Variants in ZNG1C observed in about 807,000 individuals in gnomAD.
ZNG1C encodes zinc-regulated GTPase metalloprotein activator 1C.
the ZNG1C span, among the ~76,000 whole-genome samples, chr9:68,297,295 A>G: frequency 7.2e-6 from 1 of 139,660 alleles, no homozygotes; most frequent in Non-Finnish European, 1.6e-5. Flanking sequence ...GAAAGAATGA[A>G]TTAAATAATG....
At chr9:68,266,632 C>A in the ZNG1C span, among the ~76,000 whole-genome samples, 1 of 147,480 alleles carries the variant, frequency 6.8e-6, no homozygotes, top group Non-Finnish European at 1.5e-5. Context: ...AATTCACTTT[C>A]CCATGGATGC....
the ZNG1C span, among the ~76,000 whole-genome samples, chr9:68,247,383 T>C: frequency 6.6e-6 from 1 of 150,904 alleles, no homozygotes; most frequent in African/African-American, 2.5e-5. Flanking sequence ...AGTAGGTATG[T>C]TTATCAGTTT....
At chr9:68,299,154 C>G in the ZNG1C span, 30 of 1,539,412 alleles carry the variant, frequency 1.9e-5, no homozygotes, top group Non-Finnish European at 2.7e-5. Flanking sequence ...AAAGGGATAT[C>G]ATGTGCCACT....
At chr9:68,276,131 G>A in the ZNG1C span, among the ~76,000 whole-genome samples, 12 of 147,210 alleles carry the variant, frequency 8.2e-5, no homozygotes, top group East Asian at 3.9e-4. Flanking sequence ...CATGTCCTTC[G>A]CCCACTTTTT....
At chr9:68,244,519 A>G in the ZNG1C span, among the ~76,000 whole-genome samples, 1 of 121,156 alleles carries the variant, frequency 8.3e-6, no homozygotes, top group African/African-American at 3.4e-5. Context: ...GAAGACATGT[A>G]TAGCCTACAT....
At chr9:68,295,700 CAT>C in the ZNG1C span, among the ~76,000 whole-genome samples, 778 of 74,238 alleles carry the variant, frequency 0.01, no homozygotes, top group African/African-American at 0.032. Flanking sequence ...GGCCAATAAA[CAT>C]ATGGAAAAAT....
At chr9:68,267,298 A>G in the ZNG1C span, among the ~76,000 whole-genome samples, 1 of 151,536 alleles carries the variant, frequency 6.6e-6, no homozygotes, top group African/African-American at 2.4e-5. Flanking sequence ...TGTGGAAGAA[A>G]GAAATTCATA....
chr9:68,266,906 T>C, the ZNG1C span, among the ~76,000 whole-genome samples: 1 of 152,318 alleles, frequency 6.6e-6, no homozygotes, highest in Admixed American at 6.5e-5. Context: ...CTGATCAGCA[T>C]AGGACAATCA....
At chr9:68,245,007 A>G in the ZNG1C span, among the ~76,000 whole-genome samples, 1 of 141,354 alleles carries the variant, frequency 7.1e-6, no homozygotes, top group African/African-American at 2.6e-5. Context: ...AGTGTTTGTA[A>G]ATATTTATAA....
chr9:68,298,713 T>C, the ZNG1C span: 1 of 504,934 alleles, frequency 2.0e-6, no homozygotes, highest in Non-Finnish European at 3.0e-6. Flanking sequence ...CTAATATATG[T>C]ATTAACTTTA....
the ZNG1C span, among the ~76,000 whole-genome samples, chr9:68,292,111 C>T: frequency 6.6e-6 from 1 of 152,060 alleles, no homozygotes; most frequent in Non-Finnish European, 1.5e-5. Flanking sequence ...TCTCAGGAAG[C>T]CACATCCATA....
chr9:68,291,149 G>C, the ZNG1C span, among the ~76,000 whole-genome samples: 1 of 54,680 alleles, frequency 1.8e-5, no homozygotes, highest in East Asian at 2.4e-4. Context: ...TTGCCCAACA[G>C]CTCATTTCTC....
the ZNG1C span, among the ~76,000 whole-genome samples, chr9:68,281,207 C>G: frequency 2.0e-5 from 3 of 152,228 alleles, no homozygotes; most frequent in Non-Finnish European, 4.4e-5. Context: ...GCGGATGGAG[C>G]ACGCACCCAC....
At chr9:68,273,731 GT>G in the ZNG1C span, 1 of 59,272 alleles carries the variant, frequency 1.7e-5, no homozygotes, top group East Asian at 3.0e-4. Context: ...TTTAACAAAT[GT>G]TTGGCAAGCT....
the ZNG1C span, among the ~76,000 whole-genome samples, chr9:68,295,550 T>A: frequency 1.4e-5 from 2 of 144,856 alleles, no homozygotes; most frequent in Non-Finnish European, 3.1e-5. Flanking sequence ...AAGGAGAAAA[T>A]CTTTCATAAT....
chr9:68,296,584 T>G, the ZNG1C span, among the ~76,000 whole-genome samples: 1 of 152,276 alleles, frequency 6.6e-6, no homozygotes, highest in Non-Finnish European at 1.5e-5. Flanking sequence ...TATGATTATG[T>G]AATGGTGAGT....
chr9:68,287,612 A>G, the ZNG1C span, among the ~76,000 whole-genome samples: 2 of 152,306 alleles, frequency 1.3e-5, no homozygotes, highest in African/African-American at 4.8e-5. Context: ...TAGTATAATG[A>G]GCCTGTATGT....
chr9:68,290,271 A>C, the ZNG1C span, among the ~76,000 whole-genome samples: 3 of 144,336 alleles, frequency 2.1e-5, no homozygotes, highest in African/African-American at 8.1e-5. Flanking sequence ...AGCAAAAATC[A>C]TTATAAAAAT....
At chr9:68,244,632 C>T in the ZNG1C span, among the ~76,000 whole-genome samples, 18 of 138,134 alleles carry the variant, frequency 1.3e-4, no homozygotes, top group African/African-American at 5.2e-4. Flanking sequence ...AATTGAACTA[C>T]AATACTATGC....
Sources: allele counts gnomAD v4.1 joint callset (sites outside exome capture counted in the v4.1 genomes callset), GRCh38; gene constraint gnomAD v4.1.1; transcripts MANE v1.5; gene names NCBI Gene and HGNC (gene_info 2026-07-23, HGNC 2026-07-21).